The following CSF2RB variants were observed in gnomAD, a reference collection of about 807,000 sequenced individuals.
CSF2RB encodes the protein cytokine receptor common subunit beta.
In CSF2RB, 22 loss-of-function variants were observed where a neutral mutation model predicts 67.2. That is an observed-to-expected ratio of 0.33 (90% confidence interval 0.23 to 0.47). The LOEUF is 0.47. Ranked by LOEUF, CSF2RB falls within the 20% of genes least tolerant of loss-of-function variation. The pLI, the probability that CSF2RB is intolerant of heterozygous loss-of-function variation, is 1.00. For synonymous variants in CSF2RB, 507 were observed against 482.9 expected, an observed-to-expected ratio of 1.05 and a Z score of -0.65; for missense variants, 1,113 against 1,174.5, an observed-to-expected ratio of 0.95 and a Z score of 0.76.
chr22:36,926,343 A>G (rs1941017106), intron 4 of CSF2RB, among the ~76,000 whole-genome samples, 166 bp downstream of exon 4: 1 of 152,180 alleles, frequency 6.6e-6, no homozygotes, highest in Admixed American at 6.5e-5. Flanking sequence ...TTCAGAGCAG[A>G]GGGGCCCCTG....
chr22:36,939,342 A>G lies in CSF2RB; in HGVS notation c.*840A>G, dbSNP rs916336048. ...AGCCCACGTCTACTGCGGAAAAGTC[A>G]GGGGAAACTGCCAAACAAAGGAAAA... On this transcript the variant is annotated 3_prime_UTR_variant, in exon 14 of 14. Transcript: ENST00000403662. 4.3e-6 allele frequency: 3 copies of G among 692,790 alleles called. No homozygotes were observed. Among genetic ancestry groups the G allele is most frequent in the East Asian group, 5.4e-5 (2 of 37,172 alleles). The allele number at this position is 692,790 out of a possible 1,614,324, so 42.9% of individuals were successfully genotyped here.
chr22:36,926,225 G>A, intron 4 of CSF2RB, 48 bp downstream of exon 4: 2 of 1,593,070 alleles, frequency 1.3e-6, no homozygotes, highest in Non-Finnish European at 1.7e-6. Flanking sequence ...TGTGTGGACA[G>A]CGGGGGCACC....
intron 1 of CSF2RB, among the ~76,000 whole-genome samples, chr22:36,920,671 T>C (rs1465235392): frequency 6.6e-6 from 1 of 152,226 alleles, no homozygotes; most frequent in Non-Finnish European, 1.5e-5. Context: ...ACAGAAGATT[T>C]CACTTTTATG....
chr22:36,938,701 A>G lies in CSF2RB; in HGVS notation c.*199A>G, dbSNP rs1941328916. The G allele has an allele frequency of 6.7e-6, 4 of 597,966 alleles. No homozygotes were observed. Among genetic ancestry groups the G allele is most frequent in the Non-Finnish European group, 2.9e-6 (1 of 339,660 alleles). The allele number at this position is 597,966 out of a possible 1,614,324, so 37.0% of individuals were successfully genotyped here. ...TCCCTGCGCTCACACAGACACACAC[A>G]CACACACGTACATGCACACATTTTT... On this transcript the variant is annotated 3_prime_UTR_variant, in exon 14 of 14. Coordinates refer to ENST00000403662, the MANE Select transcript of CSF2RB (RefSeq NM_000395.3).
At position 36,938,149 on chromosome 22, in the gene CSF2RB, A is replaced by G; in HGVS notation, c.2341A>G (p.Arg781Gly). 2 of 1,614,064 alleles carry G rather than the reference A, an allele frequency of 1.2e-6. No individual in the cohort carries two copies. Among genetic ancestry groups the G allele is most frequent in the Admixed American group, 1.7e-5 (1 of 60,034 alleles). Reference sequence around the variant, plus strand: ...TGAGGGCCGGTCCCCCAGGTCACCAAGGAACAATCCTGTCCCCCCTGAGGC... The same window carrying G: ...TGAGGGCCGGTCCCCCAGGTCACCAGGGAACAATCCTGTCCCCCCTGAGGC... ...PIEGRSPRSP[R>G]NNPVPPEAKS... Residue 781 changes from arginine to glycine, a missense_variant, in exon 14 of 14, where the codon AGG (arginine) becomes GGG (glycine). Around this residue, in one of 2 missense-constraint regions of CSF2RB, gnomAD observed 554 missense variants for 517.9 expected, o/e 1.07. Transcript: ENST00000403662.
intron 3 of CSF2RB, among the ~76,000 whole-genome samples, chr22:36,925,561 G>A (rs778064866): frequency 1.3e-4 from 20 of 152,090 alleles, no homozygotes; most frequent in Non-Finnish European, 2.4e-4. Flanking sequence ...GCCAAGCCAC[G>A]CAGCACACCA....
At chr22:36,923,612 T>A in intron 3 of CSF2RB, 2 of 795,396 alleles carry the variant, frequency 2.5e-6, no homozygotes, top group Non-Finnish European at 3.0e-6. Context: ...ACAATGGTGG[T>A]GGTGGCAATG....
chr22:36,917,819 A>G (rs1378542360), intron 1 of CSF2RB, among the ~76,000 whole-genome samples: 1 of 152,074 alleles, frequency 6.6e-6, no homozygotes, highest in Non-Finnish European at 1.5e-5. Flanking sequence ...GCTACTTGGG[A>G]GGCTAAGTCA....
At chr22:36,924,597 G>C (rs1383572529) in intron 3 of CSF2RB, among the ~76,000 whole-genome samples, 1 of 152,078 alleles carries the variant, frequency 6.6e-6, no homozygotes, top group Non-Finnish European at 1.5e-5. Flanking sequence ...TGTCTTTCCA[G>C]CCATTTCCTC....
rs776032106 is a variant in CSF2RB at position 36,923,347 on chromosome 22, C to T, written c.180C>T (p.Thr60=). The T allele has an allele frequency of 3.7e-6, 6 of 1,613,912 alleles. No homozygotes were observed. Among genetic ancestry groups the T allele is most frequent in the Non-Finnish European group, 1.7e-6 (2 of 1,179,944 alleles). ...TQDAQRLVNV[T]LIRRVNEDLL... is the part of the protein sequence containing the mutation. ...ATGCCCAGCGGCTCGTCAACGTGAC[C>T]CTCATTCGCCGGGTGAATGAGTGAG... Residue 60 remains threonine, a synonymous_variant, in exon 3 of 14, where the codon ACC becomes ACT. Coordinates refer to ENST00000403662, the MANE Select transcript of CSF2RB (RefSeq NM_000395.3).
In CSF2RB at chr22:36,929,490, G is replaced by A. The variant is rs1225728077; in HGVS notation, c.480G>A (p.Gln160=). The change falls in exon 5 of 14, where the codon CAG becomes CAA. Residue 160 remains glutamine (Q), a synonymous_variant. Transcript: ENST00000403662. ...LTWSVALGSP[Q]SHWLSPGDLE... ...GGAGTGTGGCCCTTGGGAGTCCCCA[G>A]AGCCACTGGTTGTCCCCAGGGGATC... 4 of 1,614,104 alleles carry A rather than the reference G, an allele frequency of 2.5e-6. No homozygotes were observed. The highest frequency in any genetic ancestry group is 3.4e-6 in the Non-Finnish European group (4 of 1,180,048).
At chr22:36,936,236 A>T (rs1941263201) in intron 12 of CSF2RB, among the ~76,000 whole-genome samples, 1 of 152,118 alleles carries the variant, frequency 6.6e-6, no homozygotes, top group Non-Finnish European at 1.5e-5. Flanking sequence ...AGGCAGGGCC[A>T]GCTTTGCCTG....
chr22:36,938,673 C>A lies in CSF2RB; in HGVS notation c.*171C>A. The stretch of plus-strand genomic sequence containing the variant: ...CCCCTTGACCTTCAGCAAATCACTT[C>A]TCTCCCTGCGCTCACACAGACACAC... On this transcript the variant is annotated 3_prime_UTR_variant, in exon 14 of 14. Transcript: ENST00000403662. 1.5e-6 allele frequency: 1 copy of A among 646,854 alleles called. No individual in the cohort carries two copies. Among genetic ancestry groups the A allele is most frequent in the Non-Finnish European group, 2.6e-6 (1 of 380,790 alleles). The allele number at this position is 646,854 out of a possible 1,614,324, so 40.1% of individuals were successfully genotyped here.
chr22:36,937,882 C>A lies in CSF2RB; in HGVS notation c.2074C>A (p.Pro692Thr). 1 of 1,614,132 alleles carries A rather than the reference C, an allele frequency of 6.2e-7. No individual in the cohort carries two copies. The highest frequency in any genetic ancestry group is 8.5e-7 in the Non-Finnish European group (1 of 1,179,990). Residue 692 changes from proline to threonine, a missense_variant, in exon 14 of 14, where the codon CCT becomes ACT. Coordinates refer to ENST00000403662, the MANE Select transcript of CSF2RB (RefSeq NM_000395.3). The surrounding 1 kb of genome is among the most constrained non-coding windows in gnomAD (Gnocchi z 4.6). ...GGGAGGACAGGACCAAAAGGACAGCCCTGTGGCTATACCCATGAGCTCTGG... is the reference window on the plus strand; with the variant it reads ...GGGAGGACAGGACCAAAAGGACAGCACTGTGGCTATACCCATGAGCTCTGG... ...RVGGQDQKDSPVAIPMSSGDT... is the reference protein window; with the variant it reads ...RVGGQDQKDSTVAIPMSSGDT...
At chr22:36,920,016 C>A (rs946267448) in intron 1 of CSF2RB, among the ~76,000 whole-genome samples, 6 of 152,208 alleles carry the variant, frequency 3.9e-5, no homozygotes, top group African/African-American at 1.4e-4. Flanking sequence ...GAATCTCAAC[C>A]TGTTCCTTAC....
intron 3 of CSF2RB, among the ~76,000 whole-genome samples, chr22:36,924,068 T>C (rs1041797879): frequency 1.3e-5 from 2 of 152,052 alleles, no homozygotes; most frequent in Non-Finnish European, 2.9e-5. Flanking sequence ...TGACAACCCA[T>C]TGGAGGTCAC....
intron 1 of CSF2RB, among the ~76,000 whole-genome samples, chr22:36,918,465 C>T (rs4821566): frequency 2.0e-5 from 3 of 151,954 alleles, no homozygotes; most frequent in African/African-American, 7.3e-5. Context: ...TCTTGCAAGA[C>T]GAAAAGTTTA....
intron 12 of CSF2RB, 35 bp from the exon 13 acceptor site, chr22:36,936,514 G>A (rs777362658): frequency 1.9e-6 from 3 of 1,606,624 alleles, no homozygotes; most frequent in Non-Finnish European, 8.5e-7. Flanking sequence ...CGGACCTCCT[G>A]ATGCTCACCG....
chr22:36,930,938 A>G (rs896179285), intron 8 of CSF2RB, 108 bp downstream of exon 8: 164 of 1,371,088 alleles, frequency 1.2e-4, no homozygotes, highest in Non-Finnish European at 1.4e-4. Flanking sequence ...CATGTTTGTC[A>G]CTTTCAAAGA....
Sources: gnomAD v4.1 joint callset for allele counts (sites outside exome capture counted in the v4.1 genomes callset) on GRCh38, gnomAD v4.1.1 for gene constraint, gnomAD v4.1.1 regional missense constraint, Gnocchi (gnomAD v3.1) non-coding constraint, MANE v1.5 for transcripts, NCBI Gene and HGNC (gene_info 2026-07-23, HGNC 2026-07-21) for gene names.